ADARB1: variants seen among roughly 807,000 people sequenced by gnomAD.
The protein encoded by ADARB1 is adenosine deaminase RNA specific B1.
A neutral mutation model predicts 52.4 loss-of-function variants in ADARB1; 10 were observed. That is an observed-to-expected ratio of 0.19 (90% CI 0.12 to 0.32). The LOEUF (loss-of-function observed/expected upper bound fraction) is 0.32, where lower values mean the gene tolerates loss of function less well. Ranked by LOEUF, ADARB1 falls within the 10% of genes least tolerant of loss-of-function variation. The pLI is 1.00. For missense variants in ADARB1, 643 were observed against 922.3 expected, an observed-to-expected ratio of 0.70 and a Z score of 3.92; for synonymous variants, 349 against 371.1, an observed-to-expected ratio of 0.94 and a Z score of 0.68.
At chr21:45,127,225 G>A (rs952964716) in intron 1 of ADARB1, among the ~76,000 whole-genome samples, 1 of 152,146 alleles carries the variant, frequency 6.6e-6, no homozygotes, top group African/African-American at 2.4e-5. Flanking sequence ...TGCACTTCTT[G>A]ACACTCTCCA....
intron 2 of ADARB1, among the ~76,000 whole-genome samples, chr21:45,150,890 C>A (rs2090251550): frequency 6.6e-6 from 1 of 152,188 alleles, no homozygotes; most frequent in African/African-American, 2.4e-5. Context: ...AATTCAGGCA[C>A]AAATTCAGTA....
At chr21:45,133,083 T>C (rs372173) in intron 2 of ADARB1, among the ~76,000 whole-genome samples, 132,068 of 152,280 alleles carry the variant, frequency 0.87, 57,427 homozygotes, top group Non-Finnish European at 0.9. Context: ...CTGGTGAGCC[T>C]GGCTCGTTTC....
intron 9 of ADARB1, among the ~76,000 whole-genome samples, chr21:45,206,822 C>T (rs1219459473): frequency 2.0e-5 from 3 of 152,158 alleles, no homozygotes; most frequent in Non-Finnish European, 2.9e-5. Context: ...GATCTGTCCA[C>T]CTCAGCCTCT....
chr21:45,191,878 ATATTTTTTTTTTTTTTTT>A (rs1276967086), intron 8 of ADARB1, among the ~76,000 whole-genome samples: 1,051 of 15,254 alleles, frequency 0.069, 4 homozygotes, highest in East Asian at 0.09. Flanking sequence ...ATATATATAT[ATATTTTTTTTTTTTTTTT>A]TTTTTTTTTT....
chr21:45,165,398 C>T (rs1361344790), intron 2 of ADARB1, among the ~76,000 whole-genome samples: 1 of 152,098 alleles, frequency 6.6e-6, no homozygotes, highest in African/African-American at 2.4e-5. Context: ...TAATTATCTC[C>T]TTTTGCATTG....
chr21:45,102,324 G>A (rs1389286051), intron 1 of ADARB1, among the ~76,000 whole-genome samples: 1 of 152,198 alleles, frequency 6.6e-6, no homozygotes, highest in East Asian at 1.9e-4. Flanking sequence ...AGTTCAATGG[G>A]AGAAGGCACT....
At chr21:45,179,176 C>T (rs553750629) in intron 4 of ADARB1, among the ~76,000 whole-genome samples, 21 of 152,278 alleles carry the variant, frequency 1.4e-4, no homozygotes, top group East Asian at 3.9e-4. Context: ...TCCTCGCGTC[C>T]GCTCACCCCT....
At chr21:45,097,430 A>T (rs1206407970) in intron 1 of ADARB1, among the ~76,000 whole-genome samples, 3 of 151,562 alleles carry the variant, frequency 2.0e-5, no homozygotes, top group African/African-American at 7.3e-5. Context: ...CATGGTAGAG[A>T]ATCATGATTT....
Position 45,180,321 on chromosome 21 carries a change from C to G in ADARB1, c.964-9C>G. 6.2e-7 allele frequency: 1 copy of G among 1,608,618 alleles called. No individual in the cohort carries two copies. On this transcript the variant is annotated splice_polypyrimidine_tract_variant and intron_variant, in intron 4 of 10. Transcript: ENST00000348831. ...TGGCCCCTAACCTGCATCTGTGCTTCCCACACAGGTTTTAGCTGACGCTGT... is the reference window on the plus strand; with the variant it reads ...TGGCCCCTAACCTGCATCTGTGCTTGCCACACAGGTTTTAGCTGACGCTGT...
chr21:45,107,398 C>T (rs922475441), intron 1 of ADARB1, among the ~76,000 whole-genome samples: 1 of 151,722 alleles, frequency 6.6e-6, no homozygotes, highest in African/African-American at 2.4e-5. Flanking sequence ...GCATGAATAC[C>T]TAGAAAACTT....
chr21:45,132,711 G>A (rs1347500242), intron 2 of ADARB1, among the ~76,000 whole-genome samples: 1 of 152,210 alleles, frequency 6.6e-6, no homozygotes, highest in Non-Finnish European at 1.5e-5. Context: ...AAGTAAAAAG[G>A]AGGACAAATT....
chr21:45,130,024 T>G (rs573576809), intron 2 of ADARB1, among the ~76,000 whole-genome samples: 24 of 152,302 alleles, frequency 1.6e-4, no homozygotes, highest in African/African-American at 5.5e-4. Flanking sequence ...TGGCTTGTGC[T>G]GTGGGATGGG....
At position 45,208,617 on chromosome 21, in the gene ADARB1, T is replaced by C. The variant is rs1158493683; in HGVS notation, c.1747+3881T>C. On this transcript the variant is annotated intron_variant, in intron 9 of 10. Coordinates refer to ENST00000348831, the MANE Select transcript of ADARB1 (RefSeq NM_001112.4). The surrounding 1 kb of genome is among the most constrained non-coding windows in gnomAD (Gnocchi z 5.6). ...TGAGAGTGTGGAAAGTGTGTGTGTG[T>C]ATGTGTGCGTGTGTGTGTGTGTGAG... is the stretch of plus-strand genomic sequence containing the variant. Among the ~76,000 whole-genome samples, 1 of 151,878 alleles carries C rather than the reference T, an allele frequency of 6.6e-6. No homozygotes were observed. The highest frequency in any genetic ancestry group is 1.5e-5 in the Non-Finnish European group (1 of 67,920).
intron 8 of ADARB1, among the ~76,000 whole-genome samples, chr21:45,188,532 A>G (rs1265405030): frequency 6.6e-6 from 1 of 152,140 alleles, no homozygotes; most frequent in African/African-American, 2.4e-5. Context: ...TGCATGGAAT[A>G]TATTTTTCCA....
chr21:45,147,386 G>A (rs1202748115), intron 2 of ADARB1, among the ~76,000 whole-genome samples: 1 of 152,080 alleles, frequency 6.6e-6, no homozygotes, highest in Non-Finnish European at 1.5e-5. Context: ...TGCTTTTGAC[G>A]TCCTCTGTTG....
At chr21:45,129,721 ATAGG>A (rs1397570096) in intron 2 of ADARB1, among the ~76,000 whole-genome samples, 1 of 151,794 alleles carries the variant, frequency 6.6e-6, no homozygotes, top group African/African-American at 2.4e-5. Context: ...GTGCAGAGCC[ATAGG>A]TAGGGGGCGG....
intron 1 of ADARB1, among the ~76,000 whole-genome samples, chr21:45,122,132 C>T (rs1049370490): frequency 6.6e-6 from 1 of 152,126 alleles, no homozygotes; most frequent in Non-Finnish European, 1.5e-5. Flanking sequence ...CATCAGTTGC[C>T]CATATGTGTT....
chr21:45,223,431 G>T lies in ADARB1; in HGVS notation c.*1234G>T. 3.0e-6 allele frequency: 3 copies of T among 985,816 alleles called. No homozygotes were observed. Among genetic ancestry groups the T allele is most frequent in the Non-Finnish European group, 3.6e-6 (3 of 830,248 alleles). The allele number at this position is 985,816 out of a possible 1,614,324, so 61.1% of individuals were successfully genotyped here. A position where few individuals can be genotyped will look rare whatever the true frequency, so the allele number is the denominator to read the frequency against. On this transcript the variant is annotated 3_prime_UTR_variant, in exon 11 of 11. Coordinates refer to ENST00000348831, the MANE Select transcript of ADARB1 (RefSeq NM_001112.4). ...GCCCGGGAGGTCAGGAGCGCGGCGG[G>T]CGAGGGCCCTGTGTGGACCACCTCC...
In ADARB1 at chr21:45,223,154, C is replaced by T. The variant is rs879050690; in HGVS notation, c.*957C>T. The T allele has an allele frequency of 1.8e-5, 18 of 985,320 alleles. No individual in the cohort carries two copies. The highest frequency in any genetic ancestry group is 1.1e-4 in the East Asian group (1 of 8,828). The allele number at this position is 985,320 out of a possible 1,614,324, so 61.0% of individuals were successfully genotyped here. A position where few individuals can be genotyped will look rare whatever the true frequency, so the allele number is the denominator to read the frequency against. Reference sequence around the variant, plus strand: ...TCTGAATCGAATGGATGTGGGTGACCGCCCGAAGGCCTTCACAGGATGGAA... The same window carrying T: ...TCTGAATCGAATGGATGTGGGTGACTGCCCGAAGGCCTTCACAGGATGGAA... On this transcript the variant is annotated 3_prime_UTR_variant, in exon 11 of 11. Coordinates refer to ENST00000348831, the MANE Select transcript of ADARB1 (RefSeq NM_001112.4).
Sources: gnomAD v4.1 joint callset for allele counts (sites outside exome capture counted in the v4.1 genomes callset) on GRCh38, gnomAD v4.1.1 for gene constraint, Gnocchi (gnomAD v3.1) non-coding constraint, MANE v1.5 for transcripts, NCBI Gene and HGNC (gene_info 2026-07-23, HGNC 2026-07-21) for gene names.